The following PARD3B variants were observed in gnomAD, a reference collection of about 807,000 sequenced individuals.
PARD3B encodes the protein partitioning defective 3 homolog B.
PARD3B carries 103 observed loss-of-function variants against 130.2 expected under a neutral mutation model. The ratio of observed to expected loss-of-function variants is 0.79; its 90% CI spans 0.67 to 0.93. The LOEUF is 0.93. PARD3B is among the 40% of genes least tolerant of loss of function. The pLI, the probability that PARD3B is intolerant of heterozygous loss-of-function variation, is 0.00. For synonymous variants in PARD3B, 583 were observed against 553.2 expected, an observed-to-expected ratio of 1.05 and a Z score of -0.76; for missense variants, 1,609 against 1,499.2, an observed-to-expected ratio of 1.07 and a Z score of -1.21.
At chr2:205,167,314 T>G (rs66997919) in intron 11 of PARD3B, among the ~76,000 whole-genome samples, 47,610 of 151,840 alleles carry the variant, frequency 0.31, 8,384 homozygotes, top group East Asian at 0.4. Flanking sequence ...GACCCCTCAC[T>G]CCAAAGAATT....
chr2:204,712,124 A>G (rs2038468587), intron 2 of PARD3B, among the ~76,000 whole-genome samples: 1 of 152,240 alleles, frequency 6.6e-6, no homozygotes, highest in South Asian at 2.1e-4. Context: ...CATTTATATC[A>G]TACCATTTAT....
In PARD3B at chr2:205,352,519, T is replaced by C. The variant is rs1252378451; in HGVS notation, c.2631-48494T>C. ...GGATTTCATTCGGTTGATTAATACC[T>C]ATAGGAGAAGAGACTATTTGCTTTG... On this transcript the variant is annotated intron_variant, in intron 18 of 22. Transcript: ENST00000406610. The surrounding 1 kb of genome is among the most constrained non-coding windows in gnomAD (Gnocchi z 5.2). Among the ~76,000 whole-genome samples, 1 of 152,246 alleles carries C rather than the reference T, an allele frequency of 6.6e-6. No individual in the cohort carries two copies. The highest frequency in any genetic ancestry group is 1.5e-5 in the Non-Finnish European group (1 of 68,038).
At position 205,526,253 on chromosome 2, in the gene PARD3B, T is replaced by C. The variant is rs192053852; in HGVS notation, c.3180+26222T>C. ...TCACATCTGGGTGTCTGTGGTGGGA[T>C]TGTGGATGTGCACTTCTACCCACTG... On this transcript the variant is annotated intron_variant, in intron 21 of 22. Coordinates refer to ENST00000406610, the MANE Select transcript of PARD3B (RefSeq NM_001302769.2). Among the ~76,000 whole-genome samples the C allele has an allele frequency of 7.2e-5, 11 of 152,314 alleles. No individual in the cohort carries two copies. In the East Asian group the frequency reaches 2.1e-3, roughly 29 times the overall value.
chr2:205,053,325 G>A (rs2125429006), intron 4 of PARD3B, among the ~76,000 whole-genome samples: 1 of 151,880 alleles, frequency 6.6e-6, no homozygotes, highest in African/African-American at 2.4e-5. Context: ...ACTTTTGGTT[G>A]CAGGTTGCTG....
At chr2:205,389,639 C>A (rs757238604) in intron 18 of PARD3B, among the ~76,000 whole-genome samples, 1 of 152,156 alleles carries the variant, frequency 6.6e-6, no homozygotes, top group African/African-American at 2.4e-5. Flanking sequence ...CCACTGCGCC[C>A]GGCCTGTTAT....
chr2:205,527,647 C>A (rs532698612), intron 21 of PARD3B, among the ~76,000 whole-genome samples: 1 of 152,282 alleles, frequency 6.6e-6, no homozygotes, highest in African/African-American at 2.4e-5. Context: ...TAAGGCCAGG[C>A]AAAGGCAATA....
chr2:205,215,589 A>G (rs909153465), intron 15 of PARD3B, among the ~76,000 whole-genome samples: 5 of 152,124 alleles, frequency 3.3e-5, no homozygotes, highest in Non-Finnish European at 7.4e-5. Context: ...TCAACCTCAC[A>G]AGTAATTAAG....
intron 1 of PARD3B, among the ~76,000 whole-genome samples, chr2:204,621,004 T>C (rs528035905): frequency 6.6e-6 from 1 of 152,328 alleles, no homozygotes; most frequent in East Asian, 1.9e-4. Flanking sequence ...ATGTAAAGAA[T>C]ACGCTAGTGT....
intron 22 of PARD3B, among the ~76,000 whole-genome samples, chr2:205,593,983 C>T (rs892078215): frequency 1.3e-5 from 2 of 152,160 alleles, no homozygotes; most frequent in African/African-American, 4.8e-5. Flanking sequence ...TATTACTTTA[C>T]AGATGGAGAA....
intron 18 of PARD3B, among the ~76,000 whole-genome samples, chr2:205,324,802 C>T (rs2042883462): frequency 6.6e-6 from 1 of 152,130 alleles, no homozygotes. Context: ...AACCAGACTC[C>T]ACCCAGACTC....
At chr2:205,148,055 T>C (rs941328719) in intron 10 of PARD3B, among the ~76,000 whole-genome samples, 6 of 152,050 alleles carry the variant, frequency 3.9e-5, no homozygotes, top group African/African-American at 1.4e-4. Context: ...CAATATAGAG[T>C]ATATATAATA....
intron 3 of PARD3B, among the ~76,000 whole-genome samples, chr2:205,000,526 T>C (rs1575526685): frequency 6.6e-6 from 1 of 152,300 alleles, no homozygotes; most frequent in South Asian, 2.1e-4. Flanking sequence ...ATTTTCCCAA[T>C]GAGAATACAA....
At chr2:204,969,609 G>A (rs1691528672) in intron 3 of PARD3B, among the ~76,000 whole-genome samples, 1 of 152,206 alleles carries the variant, frequency 6.6e-6, no homozygotes, top group Non-Finnish European at 1.5e-5. Flanking sequence ...GTACTCTGAT[G>A]TTGAATAAGG....
intron 15 of PARD3B, among the ~76,000 whole-genome samples, chr2:205,226,599 C>T (rs774404463): frequency 7.9e-5 from 12 of 152,016 alleles, no homozygotes; most frequent in Admixed American, 2.0e-4. Context: ...TTCCCAGTAC[C>T]GTTTATTGAA....
At chr2:204,550,193 C>T (rs1366053676) in intron 1 of PARD3B, among the ~76,000 whole-genome samples, 2 of 152,212 alleles carry the variant, frequency 1.3e-5, no homozygotes, top group African/African-American at 4.8e-5. Context: ...ATGTAATCTA[C>T]ACACATCCTC....
At chr2:205,339,128 T>C (rs1050779983) in intron 18 of PARD3B, among the ~76,000 whole-genome samples, 3 of 152,232 alleles carry the variant, frequency 2.0e-5, no homozygotes, top group African/African-American at 7.2e-5. Context: ...CTTGATGTAA[T>C]GATAACTCAA....
intron 2 of PARD3B, among the ~76,000 whole-genome samples, chr2:204,774,232 A>T (rs569186031): frequency 6.6e-6 from 1 of 151,934 alleles, no homozygotes; most frequent in African/African-American, 2.4e-5. Flanking sequence ...ATTAGCACTT[A>T]ATACTTCCTA....
chr2:204,550,395 T>C (rs2030360502), intron 1 of PARD3B, among the ~76,000 whole-genome samples: 1 of 148,654 alleles, frequency 6.7e-6, no homozygotes, highest in South Asian at 2.2e-4. Flanking sequence ...GCGGAATGCA[T>C]GGATGCGGAG....
chr2:205,497,427 A>ATTT (rs3077795), intron 20 of PARD3B, among the ~76,000 whole-genome samples: 5,430 of 123,608 alleles, frequency 0.044, 140 homozygotes, highest in Middle Eastern at 0.063. Flanking sequence ...TTTACTCACC[A>ATTT]TTTTTTTTTT....
Sources: gnomAD v4.1 joint callset for allele counts (sites outside exome capture counted in the v4.1 genomes callset) on GRCh38, gnomAD v4.1.1 for gene constraint, Gnocchi (gnomAD v3.1) non-coding constraint, MANE v1.5 for transcripts, NCBI Gene and HGNC (gene_info 2026-07-23, HGNC 2026-07-21) for gene names.